ABTB3: variants seen among roughly 807,000 people sequenced by gnomAD.
ABTB3 encodes ankyrin repeat and BTB domain containing 3.
chr12:107,507,123 T>TAGGG, the ABTB3 span, among the ~76,000 whole-genome samples: 1 of 152,070 alleles, frequency 6.6e-6, no homozygotes, highest in South Asian at 2.1e-4. Context: ...AACATGTTGA[T>TAGGG]AGGGAATCAG....
the ABTB3 span, among the ~76,000 whole-genome samples, chr12:107,355,120 G>A: frequency 9.8e-4 from 150 of 152,296 alleles, no homozygotes; most frequent in African/African-American, 3.5e-3. Flanking sequence ...TCACCTGAGC[G>A]GGGGCTTTTT....
chr12:107,635,866 C>T, the ABTB3 span, among the ~76,000 whole-genome samples: 1 of 102,206 alleles, frequency 9.8e-6, no homozygotes, highest in Non-Finnish European at 2.2e-5. Flanking sequence ...CCCCCCCCAC[C>T]CACCCACACA....
chr12:107,486,132 G>A, the ABTB3 span, among the ~76,000 whole-genome samples: 1 of 152,152 alleles, frequency 6.6e-6, no homozygotes, highest in African/African-American at 2.4e-5. Flanking sequence ...GAGGTGTTTG[G>A]GTCATGGGGG....
chr12:107,384,871 G>A, the ABTB3 span, among the ~76,000 whole-genome samples: 1 of 152,228 alleles, frequency 6.6e-6, no homozygotes, highest in Non-Finnish European at 1.5e-5. Context: ...TGCTGACTGA[G>A]CAATTTTATA....
the ABTB3 span, among the ~76,000 whole-genome samples, chr12:107,601,571 A>T: frequency 6.6e-6 from 1 of 152,196 alleles, no homozygotes; most frequent in African/African-American, 2.4e-5. Context: ...GCAGCAGCCC[A>T]GTGTTTGGCA....
chr12:107,333,343 A>T, the ABTB3 span, among the ~76,000 whole-genome samples: 1 of 152,206 alleles, frequency 6.6e-6, no homozygotes, highest in African/African-American at 2.4e-5. Context: ...CTGCAAGTAT[A>T]GTCATCAGCA....
the ABTB3 span, among the ~76,000 whole-genome samples, chr12:107,392,422 T>C: frequency 6.6e-6 from 1 of 152,164 alleles, no homozygotes; most frequent in Non-Finnish European, 1.5e-5. Flanking sequence ...CTAGACACTA[T>C]GTGATCCAGC....
chr12:107,461,396 A>G, the ABTB3 span, among the ~76,000 whole-genome samples: 2 of 152,180 alleles, frequency 1.3e-5, no homozygotes, highest in African/African-American at 2.4e-5. Context: ...CCACGTGATG[A>G]CAGAGGCAGA....
chr12:107,513,547 T>A, the ABTB3 span, among the ~76,000 whole-genome samples: 4 of 152,164 alleles, frequency 2.6e-5, no homozygotes, highest in Non-Finnish European at 4.4e-5. Context: ...GATTATAAGT[T>A]TCCTGAGGCC....
At chr12:107,566,429 C>G in the ABTB3 span, among the ~76,000 whole-genome samples, 8 of 152,138 alleles carry the variant, frequency 5.3e-5, no homozygotes, top group Admixed American at 2.0e-4. Flanking sequence ...CTGAAAGGGA[C>G]TTGAGCCAGA....
chr12:107,576,986 A>C, the ABTB3 span, among the ~76,000 whole-genome samples: 1 of 152,216 alleles, frequency 6.6e-6, no homozygotes, highest in East Asian at 1.9e-4. Context: ...GGCCCCAGCA[A>C]CTGGCTTTTC....
At chr12:107,658,972 A>AT in the ABTB3 span, 1 of 152,666 alleles carries the variant, frequency 6.6e-6, no homozygotes, top group African/African-American at 2.4e-5. Flanking sequence ...TCTGCCATAT[A>AT]TTATAAGCAA....
At chr12:107,493,506 G>C in the ABTB3 span, among the ~76,000 whole-genome samples, 1 of 152,160 alleles carries the variant, frequency 6.6e-6, no homozygotes, top group African/African-American at 2.4e-5. Flanking sequence ...TCTTTCACGG[G>C]AAAGAAAAGG....
chr12:107,378,011 C>T, the ABTB3 span, among the ~76,000 whole-genome samples: 1 of 152,154 alleles, frequency 6.6e-6, no homozygotes, highest in South Asian at 2.1e-4. Flanking sequence ...CCATGCAAAG[C>T]GAAAAAGTGG....
chr12:107,581,333 A>C, the ABTB3 span: 1 of 1,265,428 alleles, frequency 7.9e-7, no homozygotes, highest in Non-Finnish European at 1.0e-6. Context: ...GGGGGGCGGC[A>C]GGGGAGGGAG....
At chr12:107,422,372 T>G in the ABTB3 span, among the ~76,000 whole-genome samples, 1 of 152,120 alleles carries the variant, frequency 6.6e-6, no homozygotes, top group African/African-American at 2.4e-5. Flanking sequence ...GCCCTACAGG[T>G]TGCAGAAAGT....
At chr12:107,637,834 G>GT in the ABTB3 span, among the ~76,000 whole-genome samples, 7 of 143,352 alleles carry the variant, frequency 4.9e-5, no homozygotes, top group African/African-American at 1.3e-4. Flanking sequence ...GTGTGTGTGT[G>GT]GTATGGTGTC....
chr12:107,370,340 T>C, the ABTB3 span, among the ~76,000 whole-genome samples: 1 of 152,210 alleles, frequency 6.6e-6, no homozygotes, highest in Admixed American at 6.5e-5. Flanking sequence ...CACACTTCCA[T>C]TGGCACTGCA....
chr12:107,405,212 G>T, the ABTB3 span, among the ~76,000 whole-genome samples: 1 of 152,182 alleles, frequency 6.6e-6, no homozygotes, highest in African/African-American at 2.4e-5. Context: ...CACTGTGAAG[G>T]CTATGTGAAT....
Sources: allele counts gnomAD v4.1 joint callset (sites outside exome capture counted in the v4.1 genomes callset), GRCh38; gene constraint gnomAD v4.1.1; transcripts MANE v1.5; gene names NCBI Gene and HGNC (gene_info 2026-07-23, HGNC 2026-07-21).